CPS1: variants seen among roughly 807,000 people sequenced by gnomAD.
CPS1 encodes the protein carbamoyl-phosphate synthase [ammonia], mitochondrial.
CPS1 carries 109 observed loss-of-function variants against 174.6 expected under a neutral mutation model. The observed-to-expected ratio is 0.62, with a 90% CI of 0.53 to 0.73. The LOEUF is 0.73. Among genes scored for constraint, CPS1 ranks in the 30% least tolerant of loss-of-function variants. The pLI is 0.00. For synonymous variants in CPS1, 637 were observed against 632.0 expected (o/e 1.01, Z -0.12); for missense variants, 1,689 against 1,821.9 (o/e 0.93, Z 1.33).
intron 21 of CPS1, chr2:210,618,360 TA>T (rs1699387298): frequency 6.6e-6 from 1 of 152,112 alleles, no homozygotes; most frequent in Non-Finnish European, 1.5e-5. Flanking sequence ...TTCAAAAACT[TA>T]CACTTAAAAT....
intron 1 of CPS1, among the ~76,000 whole-genome samples, chr2:210,545,901 T>G (rs1696552848): frequency 6.6e-6 from 1 of 151,902 alleles, no homozygotes; most frequent in Non-Finnish European, 1.5e-5. Flanking sequence ...GACATGGAGG[T>G]TTTTTATTTT....
chr2:210,612,247 A>G lies in CPS1; in HGVS notation c.2522A>G (p.Lys841Arg), dbSNP rs1699154873. ...KEWPSNLDLR[K>R]ELSEPSSTRI... ...TGGCCATCTAATTTAGATCTTAGAA[A>G]AGAGTTGTCTGAACCAAGCAGCACG... The change falls in exon 20 of 38, where the codon AAA (lysine) becomes AGA (arginine). Residue 841 changes from lysine (K) to arginine (R), a missense_variant. Lys to Arg is a conservative substitution (Grantham distance 26). Transcript: ENST00000233072. 1.2e-6 allele frequency: 2 copies of G among 1,612,216 alleles called. No individual in the cohort carries two copies. The highest frequency in any genetic ancestry group is 1.7e-6 in the Non-Finnish European group (2 of 1,178,832).
intron 20 of CPS1, among the ~76,000 whole-genome samples, chr2:210,614,642 A>G (rs892780100): frequency 6.6e-6 from 1 of 151,920 alleles, no homozygotes; most frequent in African/African-American, 2.4e-5. Context: ...GCATTTCTCT[A>G]ATGACCAGTG....
At chr2:210,622,482 C>G (rs1019393169) in intron 21 of CPS1, among the ~76,000 whole-genome samples, 13 of 151,520 alleles carry the variant, frequency 8.6e-5, no homozygotes, top group African/African-American at 3.1e-4. Flanking sequence ...GTAAGACTAC[C>G]TAAAATAGAC....
At chr2:210,511,512 C>G (rs1306023996) in intron 1 of CPS1, among the ~76,000 whole-genome samples, 9 of 146,056 alleles carry the variant, frequency 6.2e-5, no homozygotes, top group Non-Finnish European at 1.2e-4. Context: ...TGCACATGTA[C>G]CCTCAAACTT....
intron 6 of CPS1, among the ~76,000 whole-genome samples, chr2:210,586,951 T>G (rs1698131566): frequency 6.6e-6 from 1 of 152,046 alleles, no homozygotes. Context: ...ATTGCTTTAT[T>G]TTACATCAGA....
intron 1 of CPS1, among the ~76,000 whole-genome samples, chr2:210,538,758 A>G (rs183222979): frequency 1.3e-5 from 2 of 152,276 alleles, no homozygotes; most frequent in Admixed American, 6.5e-5. Flanking sequence ...ATATATTATC[A>G]TACTTTTAGA....
At chr2:210,624,180 A>T (rs1699625972) in intron 21 of CPS1, among the ~76,000 whole-genome samples, 2 of 152,120 alleles carry the variant, frequency 1.3e-5, no homozygotes. Context: ...ATTTGCAGAA[A>T]ATGGTCTTAT....
intron 33 of CPS1, among the ~76,000 whole-genome samples, chr2:210,667,400 T>A (rs887257166): frequency 1.3e-5 from 2 of 152,174 alleles, no homozygotes. Flanking sequence ...CATGGCAGAA[T>A]TGACTCCTAT....
intron 28 of CPS1, among the ~76,000 whole-genome samples, chr2:210,650,938 G>T (rs140013750): frequency 2.0e-5 from 3 of 152,134 alleles, no homozygotes; most frequent in African/African-American, 2.4e-5. Context: ...ATTTTTTCCT[G>T]TTGGCACATT....
At position 210,610,775 on chromosome 2, in the gene CPS1, A is replaced by T. The variant is rs148318709; in HGVS notation, c.2392-1342A>T. ...TTTCAAAAAGCAAAAATATATAGAG[A>T]GAGTATTGAAAAGCACAATTTTTGA... On this transcript the variant is annotated intron_variant, in intron 19 of 37. Coordinates refer to ENST00000233072, the MANE Select transcript of CPS1 (RefSeq NM_001875.5). Among the ~76,000 whole-genome samples the T allele has an allele frequency of 2.2e-3, 334 of 151,820 alleles. 4 individuals are homozygous for T. The highest frequency in any genetic ancestry group is 3.6e-3 in the Non-Finnish European group (241 of 67,870).
chr2:210,591,996 G>C (rs1030099859), intron 10 of CPS1, 27 bp downstream of exon 10: 3 of 1,605,824 alleles, frequency 1.9e-6, no homozygotes, highest in Non-Finnish European at 2.5e-6. Context: ...AACCTGTTCA[G>C]TTGGTGATGA....
chr2:210,497,850 T>C (rs1858194), intron 1 of CPS1, among the ~76,000 whole-genome samples: 120,438 of 142,438 alleles, frequency 0.85, 51,735 homozygotes, highest in Middle Eastern at 0.93. Context: ...CTGCAATAAA[T>C]ATGTGCATGC....
chr2:210,675,081 A>C (rs2105943082), intron 35 of CPS1, 120 bp downstream of exon 35: 3 of 803,148 alleles, frequency 3.7e-6, no homozygotes, highest in Non-Finnish European at 6.5e-6. Flanking sequence ...GAAAGGTTTA[A>C]CTAACTTGGT....
chr2:210,659,840 G>A (rs570168224), intron 31 of CPS1, among the ~76,000 whole-genome samples: 1 of 152,312 alleles, frequency 6.6e-6, no homozygotes, highest in African/African-American at 2.4e-5. Context: ...GCATGAGCAT[G>A]TATTTGAGCA....
intron 4 of CPS1, among the ~76,000 whole-genome samples, chr2:210,579,256 G>A (rs1697825859): frequency 6.6e-6 from 1 of 152,068 alleles, no homozygotes; most frequent in Non-Finnish European, 1.5e-5. Context: ...AAAACAAATG[G>A]TGGTCCTGCC....
In CPS1 at chr2:210,527,099, GC is replaced by G. The variant is rs568731992; in HGVS notation, c.4-29618del. Among the ~76,000 whole-genome samples, 11 of 151,786 alleles carry G rather than the reference GC, an allele frequency of 7.2e-5. No individual in the cohort carries two copies. In the South Asian group the frequency reaches 2.1e-3, roughly 29 times the overall value. The stretch of plus-strand genomic sequence containing the variant: ...CTTGATATTTTTAAGTTATTCAATA[GC>G]CTTTTTTTCTCTTCTTTATTTCTTT... On this transcript the variant is annotated intron_variant, in intron 1 of 38. Transcript: ENST00000430249.
intron 1 of CPS1, among the ~76,000 whole-genome samples, chr2:210,481,358 A>G (rs1370141398): frequency 6.6e-6 from 1 of 152,202 alleles, no homozygotes; most frequent in African/African-American, 2.4e-5. Flanking sequence ...CCATTTCTCT[A>G]TATGATTGAA....
chr2:210,613,057 A>G (rs1165382118), intron 20 of CPS1, among the ~76,000 whole-genome samples: 1 of 151,950 alleles, frequency 6.6e-6, no homozygotes, highest in African/African-American at 2.4e-5. Context: ...ATCCTCCAAC[A>G]GTATCAAACC....
Sources: gnomAD v4.1 joint callset for allele counts (sites outside exome capture counted in the v4.1 genomes callset) on GRCh38, gnomAD v4.1.1 for gene constraint, MANE v1.5 for transcripts, NCBI Gene and HGNC (gene_info 2026-07-23, HGNC 2026-07-21) for gene names.